IQUB: variants seen among roughly 807,000 people sequenced by gnomAD.
IQUB encodes the protein IQ motif and ubiquitin domain containing, also known as IQ motif and ubiquitin-like domain-containing protein.
Under a neutral mutation model 86.4 loss-of-function variants are expected in IQUB, and 86 were observed. The observed-to-expected ratio is 1.00, with a 90% CI of 0.84 to 1.19. The LOEUF is 1.19. Ranked by LOEUF, IQUB falls within the 50% of genes most tolerant of loss-of-function variation. The pLI, the probability that IQUB is intolerant of heterozygous loss-of-function variation, is 0.00. For missense variants in IQUB, 946 were observed against 916.9 expected (o/e 1.03, Z -0.41); for synonymous variants, 289 against 304.5 (o/e 0.95, Z 0.53).
chr7:123,471,939 T>C (rs1315975218), intron 8 of IQUB, among the ~76,000 whole-genome samples: 1 of 152,170 alleles, frequency 6.6e-6, no homozygotes, highest in Admixed American at 6.6e-5. Context: ...CAAAAGAGTA[T>C]GAGAAATAAA....
At chr7:123,470,175 C>A (rs1355703569) in intron 8 of IQUB, among the ~76,000 whole-genome samples, 1 of 152,050 alleles carries the variant, frequency 6.6e-6, no homozygotes, top group African/African-American at 2.4e-5. Context: ...AATGATGATA[C>A]CTCTGTGTTT....
chr7:123,500,289 G>C (rs542465709), intron 6 of IQUB, among the ~76,000 whole-genome samples: 1 of 152,188 alleles, frequency 6.6e-6, no homozygotes, highest in South Asian at 2.1e-4. Flanking sequence ...TTGGGGTCTG[G>C]ATCGGGACCA....
At chr7:123,506,362 CA>C (rs1796175649) in intron 3 of IQUB, among the ~76,000 whole-genome samples, 1 of 152,140 alleles carries the variant, frequency 6.6e-6, no homozygotes, top group Non-Finnish European at 1.5e-5. Context: ...TTCTTGGTAC[CA>C]ACTTTCTGTA....
At chr7:123,503,153 C>T in intron 4 of IQUB, 37 bp from the exon 5 acceptor site, 1 of 1,607,864 alleles carries the variant, frequency 6.2e-7, no homozygotes, top group South Asian at 1.1e-5. Context: ...AAAGCTCAAC[C>T]AAGAAGGGAC....
rs532615657 is a variant in IQUB, at chr7:123,505,649, C to A, written c.533-2286G>T. Among the ~76,000 whole-genome samples the A allele has an allele frequency of 4.6e-5, 7 of 152,302 alleles. No individual in the cohort carries two copies. In the South Asian group the frequency reaches 1.4e-3, roughly 32 times the overall value. On this transcript the variant is annotated intron_variant, in intron 3 of 12. Coordinates refer to ENST00000324698, the MANE Select transcript of IQUB (RefSeq NM_178827.5). ...GTAGCTGGGATGCAGGCAGAAGTGT[C>A]CCAAACGGCCCTGGGCCTAGCTCAC...
At chr7:123,458,612 C>T (rs73222251) in intron 11 of IQUB, among the ~76,000 whole-genome samples, 12 of 152,036 alleles carry the variant, frequency 7.9e-5, no homozygotes, top group Non-Finnish European at 1.6e-4. Flanking sequence ...ATTCAAAATG[C>T]ATCTTGTTTA....
At position 123,509,987 on chromosome 7, in the gene IQUB, T is replaced by G. The variant is rs760433103; in HGVS notation, c.446A>C (p.Lys149Thr). ...AAGATATTTAAGAATGGTATCAACC[T>G]TAAAAGGTATTACAATTTCCTGGCC... ...PVGQEIVIPF[K>T]VDTILKYLKD... Residue 149 changes from lysine to threonine, a missense_variant, in exon 3 of 13, where the codon AAG becomes ACG. Coordinates refer to ENST00000324698, the MANE Select transcript of IQUB (RefSeq NM_178827.5). 1 of 1,595,008 alleles carries G rather than the reference T, an allele frequency of 6.3e-7. No homozygotes were observed. Among genetic ancestry groups the G allele is most frequent in the Non-Finnish European group, 8.6e-7 (1 of 1,165,940 alleles).
chr7:123,523,955 T>C (rs1165951200), intron 1 of IQUB, among the ~76,000 whole-genome samples: 2 of 152,124 alleles, frequency 1.3e-5, no homozygotes, highest in Non-Finnish European at 2.9e-5. Context: ...ATTTATTAAA[T>C]AGGGAATCCT....
chr7:123,461,293 T>G, intron 11 of IQUB, 64 bp downstream of exon 11: 1 of 1,472,248 alleles, frequency 6.8e-7, no homozygotes, highest in Non-Finnish European at 9.2e-7. Flanking sequence ...CAAACATACA[T>G]AAGATTGCAA....
At chr7:123,520,188 T>G (rs1289880592) in intron 1 of IQUB, among the ~76,000 whole-genome samples, 1 of 152,182 alleles carries the variant, frequency 6.6e-6, no homozygotes, top group Non-Finnish European at 1.5e-5. Flanking sequence ...TTTACTAATT[T>G]AGTTGTTACT....
intron 6 of IQUB, among the ~76,000 whole-genome samples, chr7:123,497,882 G>GA (rs1377214527): frequency 2.0e-5 from 3 of 151,674 alleles, no homozygotes; most frequent in Non-Finnish European, 4.4e-5. Context: ...AAGCAAGTCA[G>GA]AAAAAACAAG....
At chr7:123,497,272 G>A (rs1400289033) in intron 6 of IQUB, among the ~76,000 whole-genome samples, 1 of 152,098 alleles carries the variant, frequency 6.6e-6, no homozygotes, top group African/African-American at 2.4e-5. Context: ...GTGATAATAA[G>A]AGTATACATA....
chr7:123,502,906 T>TA (rs774992722), intron 5 of IQUB, 38 bp downstream of exon 5: 8 of 1,541,438 alleles, frequency 5.2e-6, no homozygotes, highest in Non-Finnish European at 5.3e-6. Context: ...ATTGAGTCTA[T>TA]ACCTTCAAAA....
At chr7:123,456,849 T>C (rs1373658695) in intron 12 of IQUB, 2 of 152,112 alleles carry the variant, frequency 1.3e-5, no homozygotes, top group Admixed American at 1.3e-4. Context: ...AAATGAAAAA[T>C]GGAGCATCAG....
In IQUB at chr7:123,512,432, AT is replaced by A. The variant is rs1397665989; in HGVS notation, c.-4-89del. 4.3e-6 allele frequency: 3 copies of A among 692,872 alleles called. No individual in the cohort carries two copies. In the African/African-American group the frequency reaches 5.4e-5, roughly 12 times the overall value. 42.9% of individuals were successfully genotyped at this position (692,872 alleles called of 1,614,324 possible). A position where few individuals can be genotyped will look rare whatever the true frequency, so the allele number is the denominator to read the frequency against. ...TCATTGCTAGTATAGAGTAACATTC[AT>A]AATATTCAACTAAAATGTTGCTCAA... On this transcript the variant is annotated intron_variant, in intron 1 of 12. Coordinates refer to ENST00000324698, the MANE Select transcript of IQUB (RefSeq NM_178827.5).
intron 1 of IQUB, among the ~76,000 whole-genome samples, chr7:123,521,610 G>T (rs889685882): frequency 7.9e-5 from 12 of 151,020 alleles, no homozygotes; most frequent in African/African-American, 2.7e-4. Flanking sequence ...TCTCACCACT[G>T]CCCTCCAGCC....
rs1276361288 is a variant in IQUB at position 123,512,263 on chromosome 7, A to G, written c.78T>C (p.Thr26=). Residue 26 remains threonine (T), a synonymous_variant, in exon 2 of 13, where the codon ACT becomes ACC. Coordinates refer to ENST00000324698, the MANE Select transcript of IQUB (RefSeq NM_178827.5). ...CTTCTGAGGGAACTGGAATAGTGAC[A>G]GTATCAAAAGCATCATCACTCTCTT... ...STEESDDAFD[T]VTIPVPSEEP... is the part of the protein sequence containing the mutation. 1 of 1,612,098 alleles carries G rather than the reference A, an allele frequency of 6.2e-7. No homozygotes were observed. Among genetic ancestry groups the G allele is most frequent in the Non-Finnish European group, 8.5e-7 (1 of 1,178,378 alleles).
chr7:123,461,680 A>C (rs2116970262), intron 10 of IQUB, 75 bp from the exon 11 acceptor site: 1 of 1,274,564 alleles, frequency 7.8e-7, no homozygotes, highest in East Asian at 2.6e-5. Flanking sequence ...AACCAATGGA[A>C]GCATCAAAGG....
intron 7 of IQUB, among the ~76,000 whole-genome samples, chr7:123,490,344 T>C (rs1366483744): frequency 6.6e-6 from 1 of 152,088 alleles, no homozygotes; most frequent in Non-Finnish European, 1.5e-5. Flanking sequence ...CAACAAGACA[T>C]AGTAATGCTA....
Sources: gnomAD v4.1 joint callset for allele counts (sites outside exome capture counted in the v4.1 genomes callset) on GRCh38, gnomAD v4.1.1 for gene constraint, MANE v1.5 for transcripts, NCBI Gene and HGNC (gene_info 2026-07-23, HGNC 2026-07-21) for gene names.